Variants in BOC observed in about 807,000 individuals in gnomAD.
The protein encoded by BOC is BOC cell adhesion associated, oncogene regulated, also known as brother of CDO.
A neutral mutation model predicts 112.0 loss-of-function variants in BOC; 76 were observed. The observed-to-expected ratio is 0.68, with a 90% CI of 0.56 to 0.82. BOC has a LOEUF of 0.82. BOC is among the 40% of genes least tolerant of loss of function. BOC has a pLI of 0.00. For synonymous variants in BOC, 580 were observed against 599.8 expected (o/e 0.97, Z 0.48); for missense variants, 1,309 against 1,511.7 (o/e 0.87, Z 2.22).
rs554978503 is a variant in BOC, at chr3:113,223,850, C to G, written c.-82+7576C>G. ...CCCAAAGTTGTGCGCTGAGACCCCT[C>G]GCCCGCAACCAGAGCCCTGCAGGTC... On this transcript the variant is annotated intron_variant, in intron 2 of 19. Coordinates refer to ENST00000682979, the MANE Select transcript of BOC (RefSeq NM_001378074.1). Among the ~76,000 whole-genome samples, 396 of 152,354 alleles carry G rather than the reference C, an allele frequency of 2.6e-3. 2 individuals carry two copies. The highest frequency in any genetic ancestry group is 0.014 in the Middle Eastern group (4 of 294).
chr3:113,257,681 T>C (rs9872998), intron 4 of BOC, among the ~76,000 whole-genome samples: 8,956 of 151,434 alleles, frequency 0.059, 303 homozygotes, highest in Middle Eastern at 0.11. Flanking sequence ...CAACAGTCAT[T>C]ATAATTTTCT....
At chr3:113,275,061 G>T (rs575921036) in intron 9 of BOC, among the ~76,000 whole-genome samples, 5 of 152,174 alleles carry the variant, frequency 3.3e-5, no homozygotes, top group African/African-American at 4.8e-5. Context: ...TTACATTTTG[G>T]TTTTTTATGA....
intron 2 of BOC, among the ~76,000 whole-genome samples, chr3:113,221,073 A>G (rs1940540921): frequency 6.6e-6 from 1 of 152,208 alleles, no homozygotes; most frequent in South Asian, 2.1e-4. Flanking sequence ...CCTGGGTTTC[A>G]GTTCTGGCTT....
chr3:113,286,896 G>GGT lies in BOC; in HGVS notation c.*34_*35insGT. ...TGATATCCCAGAAAGACTATATATT[G>GGT]TTTTTTTTTTAAAAAAAAAAAGAAG... On this transcript the variant is annotated 3_prime_UTR_variant, in exon 20 of 20. Transcript: ENST00000682979. 1 of 1,291,582 alleles carries GGT rather than the reference G, an allele frequency of 7.7e-7. No individual in the cohort carries two copies. Among genetic ancestry groups the GGT allele is most frequent in the Non-Finnish European group, 1.0e-6 (1 of 965,478 alleles). 80.0% of individuals were successfully genotyped at this position (1,291,582 alleles called of 1,614,324 possible).
At chr3:113,259,983 A>G (rs926350679) in intron 4 of BOC, among the ~76,000 whole-genome samples, 6 of 152,170 alleles carry the variant, frequency 3.9e-5, no homozygotes, top group South Asian at 2.1e-4. Flanking sequence ...AGACTCAGGT[A>G]TCTTCTCTAG....
rs1213294283 is a variant in BOC, at chr3:113,232,578, TG to T, written c.-82+16305del. Among the ~76,000 whole-genome samples, 252 of 151,046 alleles carry T rather than the reference TG, an allele frequency of 1.7e-3. 1 individual carries two copies. The highest frequency in any genetic ancestry group is 3.3e-3 in the Non-Finnish European group (223 of 67,464). On this transcript the variant is annotated intron_variant, in intron 2 of 19. Coordinates refer to ENST00000682979, the MANE Select transcript of BOC (RefSeq NM_001378074.1). Reference sequence around the variant, plus strand: ...TGCTGTGCGAGTGTGTGTGTGTGTGTGTGTGTGTGTGTGCACACGTGCACAT... The same window carrying T: ...TGCTGTGCGAGTGTGTGTGTGTGTGTTGTGTGTGTGTGCACACGTGCACAT...
chr3:113,235,293 C>T (rs979968365), intron 2 of BOC, among the ~76,000 whole-genome samples: 4 of 152,080 alleles, frequency 2.6e-5, no homozygotes, highest in Admixed American at 1.3e-4. Context: ...GTGGGTATAA[C>T]CCTGGTCATA....
chr3:113,230,695 A>G (rs913889279), intron 2 of BOC, among the ~76,000 whole-genome samples: 2 of 152,230 alleles, frequency 1.3e-5, no homozygotes, highest in African/African-American at 4.8e-5. Flanking sequence ...TTTGTTGTAA[A>G]TATATGCCTC....
chr3:113,281,554 G>A (rs540626615), intron 15 of BOC, among the ~76,000 whole-genome samples: 1 of 152,344 alleles, frequency 6.6e-6, no homozygotes, highest in South Asian at 2.1e-4. Flanking sequence ...CCATGCAGCC[G>A]GTTAGGGGTA....
chr3:113,226,695 CT>C (rs1941716547), intron 2 of BOC, among the ~76,000 whole-genome samples: 1 of 126,114 alleles, frequency 7.9e-6, no homozygotes, highest in Non-Finnish European at 1.8e-5. Context: ...CCAAGATGAA[CT>C]GGCTAGGGGG....
chr3:113,230,423 A>G (rs1322327650), intron 2 of BOC, among the ~76,000 whole-genome samples: 7 of 152,186 alleles, frequency 4.6e-5, no homozygotes, highest in Non-Finnish European at 8.8e-5. Context: ...GTTTTGTTGT[A>G]TAACTGCTTT....
Position 113,272,502 on chromosome 3 carries a change from G to C in BOC, c.760G>C (p.Ala254Pro). The C allele has an allele frequency of 6.2e-7, 1 of 1,614,070 alleles. No individual in the cohort carries two copies. Among genetic ancestry groups the C allele is most frequent in the African/African-American group, 1.3e-5 (1 of 75,022 alleles). Residue 254 changes from alanine (A) to proline (P), a missense_variant, in exon 7 of 20, where the codon GCC (alanine) becomes CCC (proline). By Grantham distance (27) the Ala-to-Pro change is conservative. Transcript: ENST00000682979. ...CCAGAGTCTCATTCTGGAGTGTGTGGCCAGTGGAATCCCACCCCCACGGGT... is the reference window on the plus strand; with the variant it reads ...CCAGAGTCTCATTCTGGAGTGTGTGCCCAGTGGAATCCCACCCCCACGGGT... ...KGQSLILECV[A>P]SGIPPPRVTW...
chr3:113,274,806 C>T lies in BOC; in HGVS notation c.1542+124C>T. ...AAGCCTGAGCCGGTAATCCCCACCA[C>T]TAAACAGGCCCTTCTGTCTCCTCCA... On this transcript the variant is annotated intron_variant, in intron 9 of 19. Coordinates refer to ENST00000682979, the MANE Select transcript of BOC (RefSeq NM_001378074.1). This position sits in a 1 kb window ranked among gnomAD's most constrained non-coding sequence, Gnocchi z 4.8. The T allele has an allele frequency of 1.0e-6, 1 of 980,350 alleles. No homozygotes were observed. Among genetic ancestry groups the T allele is most frequent in the Non-Finnish European group, 1.5e-6 (1 of 682,556 alleles). 60.7% of individuals were successfully genotyped at this position (980,350 alleles called of 1,614,324 possible).
chr3:113,279,846 C>A lies in BOC; in HGVS notation c.2046C>A (p.Val682=), dbSNP rs1327818449. The A allele has an allele frequency of 6.2e-7, 1 of 1,610,062 alleles. No homozygotes were observed. The highest frequency in any genetic ancestry group is 1.3e-5 in the African/African-American group (1 of 74,782). ...CAGGCACCTCCTACAAGTTTCGAGTCCGGGCTCTGAACATGCTGGGGGAGA... is the reference window on the plus strand; with the variant it reads ...CAGGCACCTCCTACAAGTTTCGAGTACGGGCTCTGAACATGCTGGGGGAGA... ...LEKGTSYKFR[V]RALNMLGESE... Residue 682 remains valine, a synonymous_variant, in exon 13 of 20, where the codon GTC becomes GTA. Coordinates refer to ENST00000682979, the MANE Select transcript of BOC (RefSeq NM_001378074.1).
chr3:113,272,364 A>G, intron 6 of BOC, 46 bp from the exon 7 acceptor site: 1 of 1,593,242 alleles, frequency 6.3e-7, no homozygotes, highest in East Asian at 2.2e-5. Context: ...TCTACAGGAC[A>G]TCCTGGTCCA....
At chr3:113,230,015 T>A (rs888985223) in intron 2 of BOC, among the ~76,000 whole-genome samples, 1 of 152,222 alleles carries the variant, frequency 6.6e-6, no homozygotes, top group African/African-American at 2.4e-5. Flanking sequence ...CATTGTTATA[T>A]TTTAAAGTAT....
intron 14 of BOC, 142 bp downstream of exon 14, chr3:113,280,805 C>T: frequency 5.8e-6 from 5 of 855,048 alleles, no homozygotes; most frequent in South Asian, 1.6e-5. Flanking sequence ...GTCATTGACT[C>T]ATTCATAATA....
chr3:113,279,814 C>G lies in BOC; in HGVS notation c.2024-10C>G. Reference sequence around the variant, plus strand: ...CAGCTCCTGAGTTCAGTGAGTGTCCCTCTCACCAGGCACCTCCTACAAGTT... The same window carrying G: ...CAGCTCCTGAGTTCAGTGAGTGTCCGTCTCACCAGGCACCTCCTACAAGTT... On this transcript the variant is annotated splice_polypyrimidine_tract_variant and intron_variant, in intron 12 of 19. Transcript: ENST00000682979. 2 of 1,596,492 alleles carry G rather than the reference C, an allele frequency of 1.3e-6. No individual in the cohort carries two copies. The highest frequency in any genetic ancestry group is 1.1e-5 in the South Asian group (1 of 88,746).
intron 2 of BOC, among the ~76,000 whole-genome samples, chr3:113,228,572 A>G (rs776994916): frequency 2.0e-5 from 3 of 152,164 alleles, no homozygotes; most frequent in Non-Finnish European, 2.9e-5. Flanking sequence ...ACCAGGCCCC[A>G]TGTGCCATTC....
Sources: allele counts gnomAD v4.1 joint callset (sites outside exome capture counted in the v4.1 genomes callset), GRCh38; gene constraint gnomAD v4.1.1; non-coding constraint Gnocchi (gnomAD v3.1); transcripts MANE v1.5; gene names NCBI Gene and HGNC (gene_info 2026-07-23, HGNC 2026-07-21).